Variants in CES1 observed in about 807,000 individuals in gnomAD.
The protein encoded by CES1 is liver carboxylesterase 1.
CES1 carries 50 observed loss-of-function variants against 53.0 expected under a neutral mutation model. That is an observed-to-expected ratio of 0.94 (90% CI 0.75 to 1.19). The LOEUF (loss-of-function observed/expected upper bound fraction) is 1.19, where lower values mean the gene tolerates loss of function less well. Among genes scored for constraint, CES1 ranks in the 50% most tolerant of loss-of-function variants. The probability of loss-of-function intolerance (pLI) is 0.00; values close to 1 mark genes in which losing one functional copy is unlikely to be tolerated. For synonymous variants in CES1, 202 were observed against 210.1 expected (o/e 0.96, Z 0.33); for missense variants, 534 against 538.0 (o/e 0.99, Z 0.07).
chr16:55,812,856 G>T (rs776617724), intron 9 of CES1, 47 bp downstream of exon 9: 2 of 1,612,178 alleles, frequency 1.2e-6, no homozygotes, highest in Admixed American at 1.7e-5. Flanking sequence ...AGACAGGAGG[G>T]CTGATGGGGG....
intron 3 of CES1, among the ~76,000 whole-genome samples, chr16:55,825,155 G>A (rs565608265): frequency 1.3e-5 from 2 of 151,394 alleles, no homozygotes; most frequent in South Asian, 2.1e-4. Context: ...GTGTATATGG[G>A]GCACTGAGTA....
intron 1 of CES1, among the ~76,000 whole-genome samples, chr16:55,829,882 C>T (rs553819740): frequency 6.6e-6 from 1 of 152,348 alleles, no homozygotes; most frequent in African/African-American, 2.4e-5. Flanking sequence ...TTTCCCACAG[C>T]CTCCGCATCA....
chr16:55,816,383 G>C (rs1404176351), intron 8 of CES1, among the ~76,000 whole-genome samples: 1 of 152,220 alleles, frequency 6.6e-6, no homozygotes, highest in Non-Finnish European at 1.5e-5. Flanking sequence ...GATCTCCAGG[G>C]AGGCAGCAGA....
Position 55,833,045 on chromosome 16 carries a change from C to T in CES1, c.11G>A (p.Arg4His), listed in dbSNP as rs111604615. 4.6e-6 allele frequency: 7 copies of T among 1,522,396 alleles called. 1 individual carries two copies. Among genetic ancestry groups the T allele is most frequent in the Non-Finnish European group, 6.2e-6 (7 of 1,121,518 alleles). 94.3% of individuals were successfully genotyped at this position (1,522,396 alleles called of 1,614,324 possible). ...AGAGAGAGTGGCCAGGATAAAGGCA[C>T]GGAGCCACATCGTGGAAGGGCGACA... The part of the protein sequence containing the change: MWL[R>H]AFILATLSAS... Residue 4 changes from arginine to histidine, a missense_variant, in exon 1 of 14, where the codon CGT (arginine) becomes CAT (histidine). By Grantham distance (29) the Arg-to-His change is conservative. Transcript: ENST00000360526.
intron 8 of CES1, among the ~76,000 whole-genome samples, chr16:55,814,504 C>T (rs1395607300): frequency 3.3e-5 from 5 of 152,236 alleles, no homozygotes; most frequent in Admixed American, 3.3e-4. Context: ...TCAGTTTTCT[C>T]ATCTAAGAGG....
intron 11 of CES1, among the ~76,000 whole-genome samples, chr16:55,809,248 C>G (rs1307552503): frequency 3.3e-5 from 5 of 152,164 alleles, no homozygotes; most frequent in African/African-American, 9.7e-5. Flanking sequence ...TAAGAAAGAA[C>G]AGATTCAACT....
rs1325618690 is a variant in CES1, at chr16:55,830,850, G to GCA, written c.53-1877_53-1876insTG. ...GGCAGGCAGGCAGGCAGGCAGGCAA[G>GCA]TGGGAGTGAGGGAGGGAGGGAAAGA... is the stretch of plus-strand genomic sequence containing the variant. On this transcript the variant is annotated intron_variant, in intron 1 of 13. Transcript: ENST00000360526. Among the ~76,000 whole-genome samples the GCA allele has an allele frequency of 1.7e-4, 26 of 151,578 alleles. 1 individual carries two copies. The highest frequency in any genetic ancestry group is 6.8e-3 in the Middle Eastern group (2 of 294).
chr16:55,812,638 A>T (rs2031748371), intron 9 of CES1, among the ~76,000 whole-genome samples: 1 of 151,852 alleles, frequency 6.6e-6, no homozygotes, highest in African/African-American at 2.4e-5. Flanking sequence ...TATTTTCTCT[A>T]CTGGCCCTCC....
chr16:55,817,881 G>C (rs1597076253), intron 7 of CES1, among the ~76,000 whole-genome samples: 1 of 152,292 alleles, frequency 6.6e-6, no homozygotes, highest in African/African-American at 2.4e-5. Flanking sequence ...TCTTAGGGAT[G>C]GGTTTTCCCA....
intron 3 of CES1, among the ~76,000 whole-genome samples, chr16:55,824,369 T>A (rs4784588): frequency 1.3e-3 from 195 of 152,350 alleles, no homozygotes; most frequent in South Asian, 2.5e-3. Flanking sequence ...ATTTTAAAAG[T>A]CCACATAGTG....
chr16:55,827,591 G>A (rs1416687531), intron 2 of CES1, among the ~76,000 whole-genome samples: 1 of 151,998 alleles, frequency 6.6e-6, no homozygotes, highest in East Asian at 1.9e-4. Context: ...AACTATTCAT[G>A]AATGTGCATA....
At chr16:55,822,148 C>G (rs2032225938) in intron 4 of CES1, among the ~76,000 whole-genome samples, 1 of 152,238 alleles carries the variant, frequency 6.6e-6, no homozygotes, top group Non-Finnish European at 1.5e-5. Context: ...TGGGGCCTGG[C>G]AAGAACTTCG....
In CES1 at chr16:55,832,778, G is replaced by C. The variant is rs114290668; in HGVS notation, c.52+226C>G. ...GTGGGCCGGCTGTCGGCCTGCATTT[G>C]GGCGAGCAGTACAGGGCGATCTCAG... On this transcript the variant is annotated intron_variant, in intron 1 of 13. Transcript: ENST00000360526. 6.1e-3 allele frequency among the ~76,000 whole-genome samples: 927 copies of C among 152,348 alleles called. 11 individuals carry two copies. Among genetic ancestry groups the C allele is most frequent in the African/African-American group, 0.021 (870 of 41,578 alleles).
chr16:55,814,712 G>A (rs2031854914), intron 8 of CES1, among the ~76,000 whole-genome samples: 1 of 152,246 alleles, frequency 6.6e-6, no homozygotes, highest in Admixed American at 6.5e-5. Flanking sequence ...GATATCAGAT[G>A]GAACTGGACA....
At chr16:55,832,215 G>C (rs1686178871) in intron 1 of CES1, among the ~76,000 whole-genome samples, 1 of 152,100 alleles carries the variant, frequency 6.6e-6, no homozygotes, top group Non-Finnish European at 1.5e-5. Context: ...GGAAGCCACA[G>C]TAAAAGCCCC....
At chr16:55,811,210 CAAAAAA>C (rs147594975) in intron 9 of CES1, among the ~76,000 whole-genome samples, 200 bp from the exon 10 acceptor site, 1 of 139,300 alleles carries the variant, frequency 7.2e-6, no homozygotes, top group Admixed American at 7.1e-5. Flanking sequence ...GCAAAGTTTA[CAAAAAA>C]AAAAAACAAA....
chr16:55,826,317 C>T (rs766211243), intron 2 of CES1, 22 bp from the exon 3 acceptor site: 2 of 1,613,830 alleles, frequency 1.2e-6, no homozygotes, highest in Admixed American at 1.7e-5. Context: ...GAAAGAAGAA[C>T]CCCTGAAGTT....
At chr16:55,816,415 G>A (rs374131369) in intron 8 of CES1, among the ~76,000 whole-genome samples, 5 of 152,236 alleles carry the variant, frequency 3.3e-5, no homozygotes, top group Admixed American at 6.5e-5. Flanking sequence ...TGTAAGATTC[G>A]TCAGAGGTGA....
intron 4 of CES1, among the ~76,000 whole-genome samples, chr16:55,822,677 C>A (rs1224353706): frequency 6.6e-6 from 1 of 151,942 alleles, no homozygotes; most frequent in East Asian, 1.9e-4. Context: ...TCCCTGGGAT[C>A]ACTGGGAATT....
Sources: allele counts gnomAD v4.1 joint callset (sites outside exome capture counted in the v4.1 genomes callset), GRCh38; gene constraint gnomAD v4.1.1; transcripts MANE v1.5; gene names NCBI Gene and HGNC (gene_info 2026-07-23, HGNC 2026-07-21).